SGCD: variants seen among roughly 807,000 people sequenced by gnomAD.
SGCD encodes sarcoglycan delta, also known as delta-sarcoglycan.
In SGCD, 18 loss-of-function variants were observed where a neutral mutation model predicts 36.6. The ratio of observed to expected loss-of-function variants is 0.49; its 90% CI spans 0.34 to 0.73. The LOEUF (loss-of-function observed/expected upper bound fraction) is 0.73, where lower values mean the gene tolerates loss of function less well. Ranked by LOEUF, SGCD falls within the 30% of genes least tolerant of loss-of-function variation. The probability of loss-of-function intolerance (pLI) is 0.01; values close to 1 mark genes in which losing one functional copy is unlikely to be tolerated. For missense variants in SGCD, 387 were observed against 346.7 expected, an observed-to-expected ratio of 1.12 and a Z score of -0.92; for synonymous variants, 133 against 130.6, an observed-to-expected ratio of 1.02 and a Z score of -0.12.
At chr5:156,056,991 T>G (rs960536014) in intron 1 of SGCD, among the ~76,000 whole-genome samples, 1 of 146,530 alleles carries the variant, frequency 6.8e-6, no homozygotes, top group African/African-American at 2.5e-5. Context: ...TTTGAAATAC[T>G]CCATGCAAGT....
chr5:156,551,679 G>GT (rs1561773021), intron 4 of SGCD, among the ~76,000 whole-genome samples: 1 of 152,084 alleles, frequency 6.6e-6, no homozygotes, highest in East Asian at 1.9e-4. Context: ...CATGATCTTG[G>GT]TTTTTTTCAC....
chr5:156,420,710 C>T (rs149913027), intron 3 of SGCD, among the ~76,000 whole-genome samples: 41 of 152,206 alleles, frequency 2.7e-4, no homozygotes, highest in African/African-American at 7.7e-4. Flanking sequence ...TGAAGAGATT[C>T]TTTACTGTGT....
intron 6 of SGCD, among the ~76,000 whole-genome samples, chr5:156,613,085 T>C (rs1441141148): frequency 6.6e-6 from 1 of 152,228 alleles, no homozygotes; most frequent in Non-Finnish European, 1.5e-5. Context: ...CCTCTCTCTG[T>C]GGTGCTTTCC....
At chr5:156,353,626 C>G (rs1421453281) in intron 3 of SGCD, among the ~76,000 whole-genome samples, 2 of 152,168 alleles carry the variant, frequency 1.3e-5, no homozygotes, top group Non-Finnish European at 2.9e-5. Context: ...ATGCGGGTGC[C>G]AGCTTAGCTT....
At chr5:155,975,609 CTTTTTTTTT>C (rs763067309) in intron 1 of SGCD, among the ~76,000 whole-genome samples, 2 of 28,008 alleles carry the variant, frequency 7.1e-5, no homozygotes, top group African/African-American at 1.3e-4. Flanking sequence ...TCTTTCTTTC[CTTTTTTTTT>C]TTTTTTTTTT....
chr5:155,907,825 A>G (rs1021281451), intron 1 of SGCD, among the ~76,000 whole-genome samples: 3 of 152,286 alleles, frequency 2.0e-5, no homozygotes, highest in Non-Finnish European at 2.9e-5. Context: ...TGATGAAGCA[A>G]TGATAGGGTT....
At chr5:156,141,497 G>A (rs369242815) in intron 3 of SGCD, among the ~76,000 whole-genome samples, 64 of 152,338 alleles carry the variant, frequency 4.2e-4, no homozygotes, top group African/African-American at 1.4e-3. Context: ...CTGGCAGAGG[G>A]CAGGACACAG....
At chr5:156,746,807 T>C (rs1044540599) in intron 7 of SGCD, among the ~76,000 whole-genome samples, 1 of 152,182 alleles carries the variant, frequency 6.6e-6, no homozygotes, top group Non-Finnish European at 1.5e-5. Flanking sequence ...GGGTAGTCAA[T>C]GGTTTATTAG....
At chr5:155,924,023 A>T (rs940887842) in intron 1 of SGCD, among the ~76,000 whole-genome samples, 4 of 152,208 alleles carry the variant, frequency 2.6e-5, no homozygotes, top group African/African-American at 9.6e-5. Flanking sequence ...GCAGGGAAAG[A>T]GCAAGGCAGT....
At chr5:156,262,741 G>A (rs971037481) in intron 3 of SGCD, among the ~76,000 whole-genome samples, 3 of 152,112 alleles carry the variant, frequency 2.0e-5, no homozygotes, top group Middle Eastern at 3.4e-3. Context: ...TTATGCCTTT[G>A]CATCCTCATA....
At chr5:155,849,735 A>G in the SGCD span, among the ~76,000 whole-genome samples, 3 of 152,184 alleles carry the variant, frequency 2.0e-5, no homozygotes, top group Non-Finnish European at 2.9e-5. Context: ...TTCTGTTTAT[A>G]TCATTCCATT....
the SGCD span, among the ~76,000 whole-genome samples, chr5:155,863,395 C>T: frequency 0.036 from 5,425 of 152,086 alleles, 125 homozygotes; most frequent in Non-Finnish European, 0.054. Context: ...TCTTCAACCA[C>T]GATGCAGAGG....
intron 3 of SGCD, among the ~76,000 whole-genome samples, chr5:156,360,873 T>G (rs1580871948): frequency 3.3e-5 from 5 of 152,186 alleles, no homozygotes; most frequent in Admixed American, 2.6e-4. Context: ...TCTACTTGGA[T>G]GCCAGACAAG....
rs181210210 is a variant in SGCD, at chr5:155,935,681, C to T, written c.-282+65257C>T. Among the ~76,000 whole-genome samples, 50 of 152,282 alleles carry T rather than the reference C, an allele frequency of 3.3e-4. 1 individual carries two copies. The East Asian group carries it at 9.5e-3, about 29-fold the overall frequency. The stretch of plus-strand genomic sequence containing the variant: ...AGGACAAGAGGGAACGCTCATGTGT[C>T]TAATCACTTGCCTAAGGTTGTTACA... On this transcript the variant is annotated intron_variant, in intron 1 of 9. Transcript: ENST00000517913.
At chr5:155,774,600 C>A in the SGCD span, among the ~76,000 whole-genome samples, 1 of 152,100 alleles carries the variant, frequency 6.6e-6, no homozygotes, top group African/African-American at 2.4e-5. Context: ...TGCCAGCATT[C>A]CATGGCTCAT....
intron 3 of SGCD, among the ~76,000 whole-genome samples, chr5:156,473,505 A>AT (rs1755056237): frequency 6.6e-6 from 1 of 152,178 alleles, no homozygotes; most frequent in Admixed American, 6.5e-5. Context: ...TACTTCTGTT[A>AT]TTTTCTATGT....
intron 1 of SGCD, among the ~76,000 whole-genome samples, chr5:155,886,524 G>A (rs528402235): frequency 8.0e-5 from 12 of 150,054 alleles, no homozygotes; most frequent in East Asian, 1.9e-4. Flanking sequence ...GTGTGTGTGC[G>A]TGGGCGCGTG....
intron 1 of SGCD, among the ~76,000 whole-genome samples, chr5:156,018,099 G>C (rs1759023994): frequency 6.6e-6 from 1 of 152,164 alleles, no homozygotes; most frequent in Admixed American, 6.5e-5. Context: ...GGTCAAGGCT[G>C]CAGTGAACCA....
At chr5:156,292,000 A>G (rs961373889) in intron 3 of SGCD, among the ~76,000 whole-genome samples, 2 of 151,686 alleles carry the variant, frequency 1.3e-5, no homozygotes, top group Non-Finnish European at 1.5e-5. Context: ...CATCTTCCCA[A>G]CCCCACCCCA....
Sources: allele counts gnomAD v4.1 joint callset (sites outside exome capture counted in the v4.1 genomes callset), GRCh38; gene constraint gnomAD v4.1.1; transcripts MANE v1.5; gene names NCBI Gene and HGNC (gene_info 2026-07-23, HGNC 2026-07-21).